HEATR4: variants seen among roughly 807,000 people sequenced by gnomAD.
The protein encoded by HEATR4 is HEAT repeat-containing protein 4.
HEATR4 carries 95 observed loss-of-function variants against 108.8 expected under a neutral mutation model. That is an observed-to-expected ratio of 0.87 (90% CI 0.74 to 1.04). The LOEUF (loss-of-function observed/expected upper bound fraction) is 1.04, where lower values mean the gene tolerates loss of function less well. Ranked by LOEUF, HEATR4 falls within the 50% of genes least tolerant of loss-of-function variation. HEATR4 has a pLI of 0.00. For missense variants in HEATR4, 1,152 were observed against 1,253.8 expected, an observed-to-expected ratio of 0.92 and a Z score of 1.23; for synonymous variants, 443 against 459.4, an observed-to-expected ratio of 0.96 and a Z score of 0.46.
chr14:73,616,844 T>C, the HEATR4 span: 1 of 568,150 alleles, frequency 1.8e-6, no homozygotes, highest in Non-Finnish European at 3.1e-6. Flanking sequence ...TTTATCCCTC[T>C]ATATTATCAT....
At position 73,542,045 on chromosome 14, in the gene HEATR4, G is replaced by A. The variant is rs1399172704; in HGVS notation, c.-151-11801C>T. Among the ~76,000 whole-genome samples the A allele has an allele frequency of 7.1e-5, 8 of 112,494 alleles. 1 individual carries two copies. Among genetic ancestry groups the A allele is most frequent in the Non-Finnish European group, 1.1e-4 (6 of 52,350 alleles). 73.8% of individuals were successfully genotyped at this position (112,494 alleles called of 152,430 possible). A position where few individuals can be genotyped will look rare whatever the true frequency, so the allele number is the denominator to read the frequency against. On this transcript the variant is annotated intron_variant, in intron 1 of 17. Transcript: ENST00000553558. ...TAATTTTTGTATTTTCAGTAGAGAC[G>A]GGGTTTCACAATATTTGTCAGGCTG...
chr14:73,479,208 C>T (rs1385846470), intron 17 of HEATR4, among the ~76,000 whole-genome samples: 1 of 151,896 alleles, frequency 6.6e-6, no homozygotes, highest in Non-Finnish European at 1.5e-5. Flanking sequence ...CTCCGCCTCC[C>T]GGGTTCACGC....
chr14:73,480,406 C>T (rs1315934428), intron 17 of HEATR4, among the ~76,000 whole-genome samples: 1 of 152,166 alleles, frequency 6.6e-6, no homozygotes, highest in African/African-American at 2.4e-5. Flanking sequence ...CGCCACTGTA[C>T]TCTAGCCTGG....
At chr14:73,512,821 T>A (rs1342129246) in intron 6 of HEATR4, among the ~76,000 whole-genome samples, 1 of 152,208 alleles carries the variant, frequency 6.6e-6, no homozygotes, top group Non-Finnish European at 1.5e-5. Flanking sequence ...CCTTCAGTCT[T>A]TTTTGTTATT....
chr14:73,629,049 A>T, the HEATR4 span, among the ~76,000 whole-genome samples: 4 of 131,802 alleles, frequency 3.0e-5, no homozygotes, highest in Admixed American at 3.5e-4. Context: ...GAGCGAGAGT[A>T]TGTTCCCAAA....
rs571465385 is a variant in HEATR4, at chr14:73,534,644, G to A, written c.-151-4400C>T. On this transcript the variant is annotated intron_variant, in intron 1 of 17. Coordinates refer to ENST00000553558, the MANE Select transcript of HEATR4 (RefSeq NM_001220484.1). ...GTTGAGGCTGCAGTGAGCTATGATCGCACCACTGCACTCCAGCCTGGGTAA... is the reference window on the plus strand; with the variant it reads ...GTTGAGGCTGCAGTGAGCTATGATCACACCACTGCACTCCAGCCTGGGTAA... Among the ~76,000 whole-genome samples the A allele has an allele frequency of 1.3e-4, 14 of 104,400 alleles. 3 individuals carry two copies. The highest frequency in any genetic ancestry group is 1.9e-4 in the African/African-American group (6 of 32,074). The allele number at this position is 104,400 out of a possible 152,430, so 68.5% of individuals were successfully genotyped here. A position where few individuals can be genotyped will look rare whatever the true frequency, so the allele number is the denominator to read the frequency against.
At chr14:73,566,847 T>C in the HEATR4 span, among the ~76,000 whole-genome samples, 1 of 152,120 alleles carries the variant, frequency 6.6e-6, no homozygotes, top group Non-Finnish European at 1.5e-5. Context: ...GCAGAGGAAG[T>C]GCTGTGAGGG....
At chr14:73,599,098 T>C in the HEATR4 span, among the ~76,000 whole-genome samples, 7 of 152,230 alleles carry the variant, frequency 4.6e-5, no homozygotes, top group South Asian at 1.2e-3. Flanking sequence ...CCACAGGCAC[T>C]CCTGTGACAG....
intron 2 of HEATR4, among the ~76,000 whole-genome samples, chr14:73,525,463 T>C (rs1279468519): frequency 6.6e-6 from 1 of 152,170 alleles, no homozygotes; most frequent in Admixed American, 6.5e-5. Context: ...GCTTCATCTC[T>C]TCACAACCAT....
upstream of HEATR4, among the ~76,000 whole-genome samples, chr14:73,563,348 A>G (rs1484546015): frequency 2.6e-5 from 4 of 152,034 alleles, no homozygotes; most frequent in Non-Finnish European, 5.9e-5. Context: ...TAATCCCAGC[A>G]CTTTGGGAGG....
At chr14:73,588,387 C>T in the HEATR4 span, among the ~76,000 whole-genome samples, 1 of 152,162 alleles carries the variant, frequency 6.6e-6, no homozygotes, top group Non-Finnish European at 1.5e-5. Flanking sequence ...CCGTTACACT[C>T]ATTGTCAGGT....
At position 73,522,897 on chromosome 14, in the gene HEATR4, T is replaced by C. The variant is rs771718758; in HGVS notation, c.256A>G (p.Ile86Val). ...EVVWQRGLPS[I>V]PYSQYSFDHL... ...TCAAAGCTGTACTGGCTATAAGGAA[T>C]GCTGGGCAGGCCTCGCTGCCACACC... Residue 86 changes from isoleucine (I) to valine (V), a missense_variant, in exon 3 of 18, where the codon ATT becomes GTT. Transcript: ENST00000553558. 7 of 1,614,072 alleles carry C rather than the reference T, an allele frequency of 4.3e-6. No individual in the cohort carries two copies. In the African/African-American group the frequency reaches 9.3e-5, roughly 22 times the overall value.
chr14:73,494,314 C>T (rs1885970629), intron 16 of HEATR4, among the ~76,000 whole-genome samples: 1 of 152,162 alleles, frequency 6.6e-6, no homozygotes. Context: ...ATGCTACGCT[C>T]AGGCACACAG....
the HEATR4 span, among the ~76,000 whole-genome samples, chr14:73,615,737 AAAC>A: frequency 0.03 from 369 of 12,178 alleles, 3 homozygotes; most frequent in African/African-American, 0.14. Context: ...TTGTCTCAAC[AAAC>A]AAACAAACAA....
At chr14:73,491,833 C>G (rs1441880370) in intron 17 of HEATR4, 7 of 1,607,696 alleles carry the variant, frequency 4.4e-6, no homozygotes, top group Non-Finnish European at 5.9e-6. Flanking sequence ...ACGGACGACG[C>G]GAGACCCTGA....
intron 1 of HEATR4, among the ~76,000 whole-genome samples, chr14:73,533,674 CA>C (rs1888779443): frequency 9.1e-6 from 1 of 109,446 alleles, no homozygotes; most frequent in Non-Finnish European, 2.0e-5. Flanking sequence ...AGCAAGACTC[CA>C]AAAGTTCTGG....
the HEATR4 span, among the ~76,000 whole-genome samples, chr14:73,593,336 C>CTTTTTTTTTTTTTTTTTTTT: frequency 6.7e-5 from 7 of 104,870 alleles, no homozygotes; most frequent in Non-Finnish European, 9.0e-5. Context: ...TTCTTTCTTT[C>CTTTTTTTTTTTTTTTTTTTT]TTTTTTTTTT....
intron 5 of HEATR4, among the ~76,000 whole-genome samples, chr14:73,515,031 G>A (rs1887501465): frequency 6.7e-6 from 1 of 149,540 alleles, no homozygotes; most frequent in Non-Finnish European, 1.5e-5. Context: ...TTGCACCACT[G>A]CATTCCAGCC....
intron 7 of HEATR4, among the ~76,000 whole-genome samples, chr14:73,511,358 C>G (rs1037268232): frequency 2.7e-5 from 4 of 150,272 alleles, no homozygotes; most frequent in Admixed American, 6.7e-5. Context: ...ACTAAAAATA[C>G]AAAAAAATGA....
Sources: allele counts gnomAD v4.1 joint callset (sites outside exome capture counted in the v4.1 genomes callset), GRCh38; gene constraint gnomAD v4.1.1; transcripts MANE v1.5; gene names NCBI Gene and HGNC (gene_info 2026-07-23, HGNC 2026-07-21).